The following SETD2 variants were observed in gnomAD, a reference collection of about 807,000 sequenced individuals.
SETD2 encodes histone-lysine N-methyltransferase SETD2.
A neutral mutation model predicts 242.1 loss-of-function variants in SETD2; 31 were observed. The ratio of observed to expected loss-of-function variants is 0.13; its 90% CI spans 0.10 to 0.17. SETD2 has a LOEUF of 0.17. SETD2 is among the 10% of genes least tolerant of loss of function. The pLI is 1.00. For synonymous variants in SETD2, 1,006 were observed against 1,066.5 expected (o/e 0.94, Z 1.11); for missense variants, 2,481 against 3,046.3 (o/e 0.81, Z 4.37).
intron 10 of SETD2, among the ~76,000 whole-genome samples, chr3:47,087,631 G>A (rs2041619628): frequency 1.3e-5 from 2 of 152,056 alleles, no homozygotes; most frequent in Non-Finnish European, 2.9e-5. Context: ...AAATAATATG[G>A]TACAAGCTTT....
In SETD2 at chr3:47,120,350, A is replaced by G; in HGVS notation, c.4286T>C (p.Val1429Ala). The G allele has an allele frequency of 6.2e-7, 1 of 1,612,538 alleles. No homozygotes were observed. Among genetic ancestry groups the G allele is most frequent in the Non-Finnish European group, 8.5e-7 (1 of 1,179,566 alleles). The change falls in exon 3 of 21, where the codon GTG becomes GCG. Residue 1429 changes from valine (V) to alanine (A), a missense_variant. By Grantham distance (64) the Val-to-Ala change is moderately conservative. This residue lies in a region of SETD2 where 1,300 missense variants were observed against 1,259.2 expected (regional missense o/e 1.03). Coordinates refer to ENST00000409792, the MANE Select transcript of SETD2 (RefSeq NM_014159.7). The part of the protein sequence containing the change: ...GELQDRKKVR[V>A]EVEQGETSVP... Reference sequence around the variant, plus strand: ...TGATGTCTCTCCCTGCTCTACCTCCACTCTAACTTTCTTTCTGTCCTGAAG... The same window carrying G: ...TGATGTCTCTCCCTGCTCTACCTCCGCTCTAACTTTCTTTCTGTCCTGAAG...
chr3:47,019,637 AG>A, intron 19 of SETD2, 122 bp downstream of exon 19: 1 of 805,614 alleles, frequency 1.2e-6, no homozygotes, highest in Non-Finnish European at 2.1e-6. Context: ...CATACACACA[AG>A]GAACACCTTG....
chr3:47,050,723 C>CCTTTTTTT (rs1483439791), intron 15 of SETD2, among the ~76,000 whole-genome samples: 17 of 66,882 alleles, frequency 2.5e-4, no homozygotes, highest in South Asian at 6.8e-4. Context: ...TTTCCTCTCT[C>CCTTTTTTT]TTTTTTTTTT....
intron 3 of SETD2, among the ~76,000 whole-genome samples, 168 bp from the exon 4 acceptor site, chr3:47,116,922 C>T (rs879401459): frequency 4.1e-4 from 63 of 152,116 alleles, no homozygotes; most frequent in Non-Finnish European, 5.9e-4. Flanking sequence ...TGGCTCACTG[C>T]AGCCTCAACC....
At chr3:47,038,670 C>T (rs751116368) in intron 17 of SETD2, among the ~76,000 whole-genome samples, 2 of 152,020 alleles carry the variant, frequency 1.3e-5, no homozygotes, top group African/African-American at 2.4e-5. Context: ...AAAATATTCC[C>T]GACCGACTGC....
intron 18 of SETD2, among the ~76,000 whole-genome samples, chr3:47,024,103 G>A (rs2038360800): frequency 6.6e-6 from 1 of 152,158 alleles, no homozygotes; most frequent in Non-Finnish European, 1.5e-5. Context: ...ACTTTGGGAG[G>A]CCGAGGCGAG....
intron 1 of SETD2, chr3:47,145,469 G>A (rs1244994605): frequency 2.4e-6 from 1 of 413,114 alleles, no homozygotes; most frequent in Admixed American, 2.4e-5. Flanking sequence ...ATCCCAGCTT[G>A]CTGCAGCCTT....
At chr3:47,040,366 G>A (rs1208016095) in intron 17 of SETD2, among the ~76,000 whole-genome samples, 1 of 152,046 alleles carries the variant, frequency 6.6e-6, no homozygotes, top group East Asian at 1.9e-4. Context: ...TATGTCACAA[G>A]ATATCAGAAA....
intron 1 of SETD2, among the ~76,000 whole-genome samples, chr3:47,134,887 G>A (rs1168539520): frequency 3.3e-5 from 5 of 152,300 alleles, no homozygotes; most frequent in African/African-American, 1.2e-4. Context: ...GTCTCCCAAA[G>A]TGCTGGGATT....
intron 2 of SETD2, among the ~76,000 whole-genome samples, chr3:47,125,030 T>A (rs528916251): frequency 6.6e-6 from 1 of 152,044 alleles, no homozygotes; most frequent in South Asian, 2.1e-4. Context: ...GTAAAAATAC[T>A]CATCTGGGTC....
In SETD2 at chr3:47,099,336, T is replaced by A. The variant is rs563770173; in HGVS notation, c.5016-1255A>T. On this transcript the variant is annotated intron_variant, in intron 8 of 20. Transcript: ENST00000409792. Reference sequence around the variant, plus strand: ...TGATATAGGTATAATCTGAAAAAAATAAAATAAAAACTTTTAGGGTTTTGT... The same window carrying A: ...TGATATAGGTATAATCTGAAAAAAAAAAAATAAAAACTTTTAGGGTTTTGT... Among the ~76,000 whole-genome samples the A allele has an allele frequency of 3.9e-5, 6 of 152,268 alleles. No individual in the cohort carries two copies. The South Asian group carries it at 1.0e-3, about 26-fold the overall frequency.
At chr3:47,150,459 A>G (rs1385001074) in intron 1 of SETD2, among the ~76,000 whole-genome samples, 1 of 152,200 alleles carries the variant, frequency 6.6e-6, no homozygotes, top group East Asian at 1.9e-4. Flanking sequence ...AAATTTGGAT[A>G]GAAAGTCAAC....
chr3:47,089,775 G>A (rs1295240979), intron 9 of SETD2, among the ~76,000 whole-genome samples: 1 of 152,136 alleles, frequency 6.6e-6, no homozygotes, highest in East Asian at 1.9e-4. Flanking sequence ...ACATAAGGGA[G>A]TAATTAGAAT....
Position 47,113,876 on chromosome 3 carries a change from G to A in SETD2, c.4715C>T (p.Ser1572Leu), listed in dbSNP as rs750924110. The A allele has an allele frequency of 2.5e-6, 4 of 1,604,246 alleles. No individual in the cohort carries two copies. The highest frequency in any genetic ancestry group is 3.5e-5 in the Admixed American group (2 of 56,726). Residue 1572 changes from serine to leucine, a missense_variant and splice_region_variant, in exon 5 of 21, where the codon TCG becomes TTG. Coordinates refer to ENST00000409792, the MANE Select transcript of SETD2 (RefSeq NM_014159.7). The part of the protein sequence containing the change: ...WGLRAAKDLP[S>L]NTFVLEYCGE... ...GAAAGGTAATTAAAAAAGAACTTAC[G>A]AAGGAAGGTCTTTGGCAGCTCTCAA...
rs756518934 is a variant in SETD2 at position 47,123,132 on chromosome 3, A to C, written c.1504T>G (p.Leu502Val). 6.2e-7 allele frequency: 1 copy of C among 1,613,608 alleles called. No homozygotes were observed. ...DRDCKTETSYLEMERRGKYSS... is the reference protein window; with the variant it reads ...DRDCKTETSYVEMERRGKYSS... ...TACTTGCCTCTTCTTTCCATCTCTA[A>C]GTAAGAGGTCTCAGTTTTACAGTCC... Residue 502 changes from leucine (L) to valine (V), a missense_variant, in exon 3 of 21, where the codon TTA becomes GTA. Leu to Val is a conservative substitution (Grantham distance 32, BLOSUM62 1). Transcript: ENST00000409792.
intron 12 of SETD2, among the ~76,000 whole-genome samples, chr3:47,068,119 C>CGAT (rs2040643683): frequency 6.6e-6 from 1 of 152,174 alleles, no homozygotes; most frequent in African/African-American, 2.4e-5. Flanking sequence ...CTTTCTTATC[C>CGAT]AGTCATCTTA....
chr3:47,135,197 T>C (rs1409134182), intron 1 of SETD2, among the ~76,000 whole-genome samples: 1 of 152,212 alleles, frequency 6.6e-6, no homozygotes, highest in Non-Finnish European at 1.5e-5. Context: ...TCTTTTAAGC[T>C]TCACTTTTGG....
intron 1 of SETD2, among the ~76,000 whole-genome samples, chr3:47,160,213 C>T (rs975874761): frequency 5.9e-5 from 9 of 152,148 alleles, no homozygotes; most frequent in Admixed American, 5.2e-4. Flanking sequence ...CTTTAAATTG[C>T]AACCTCTTCC....
chr3:47,091,361 C>T (rs1483273036), intron 9 of SETD2, among the ~76,000 whole-genome samples: 1 of 152,202 alleles, frequency 6.6e-6, no homozygotes, highest in Non-Finnish European at 1.5e-5. Flanking sequence ...GACACAGTGG[C>T]TCACACCTGT....
Sources: allele counts gnomAD v4.1 joint callset (sites outside exome capture counted in the v4.1 genomes callset), GRCh38; gene constraint gnomAD v4.1.1; regional missense constraint gnomAD v4.1.1; transcripts MANE v1.5; gene names NCBI Gene and HGNC (gene_info 2026-07-23, HGNC 2026-07-21).